HMGN5: variants seen among roughly 807,000 people sequenced by gnomAD.
HMGN5 encodes high mobility group nucleosome binding domain 5.
Under a neutral mutation model 9.5 loss-of-function variants are expected in HMGN5, and 4 were observed. That is an observed-to-expected ratio of 0.42 (90% CI 0.21 to 0.96). The LOEUF is 0.96. HMGN5 is among the 40% of genes least tolerant of loss of function. HMGN5 has a pLI of 0.30. For missense variants in HMGN5, 192 were observed against 187.5 expected (o/e 1.02, Z -0.14); for synonymous variants, 55 against 57.1 (o/e 0.96, Z 0.16).
At chrX:81,131,031 G>A (rs1481566693) in intron 1 of HMGN5, among the ~76,000 whole-genome samples, 1 of 111,464 alleles carries the variant, frequency 9.0e-6, no homozygotes, top group African/African-American at 3.3e-5. Context: ...AGCATTCTAA[G>A]TAAAGGAATT....
At chrX:81,154,318 T>C (rs1292267845) in intron 1 of HMGN5, among the ~76,000 whole-genome samples, 1 of 111,518 alleles carries the variant, frequency 9.0e-6, no homozygotes, top group East Asian at 2.8e-4. Flanking sequence ...GCATGCAGAA[T>C]AATGAAACTT....
At chrX:81,157,650 C>T (rs1248161036) in intron 1 of HMGN5, among the ~76,000 whole-genome samples, 1 of 111,353 alleles carries the variant, frequency 9.0e-6, no homozygotes, top group African/African-American at 3.3e-5. Context: ...GCATAGGGAC[C>T]TATGGACAGA....
Position 81,115,084 on chromosome X carries a change from G to C in HMGN5, c.414C>G (p.Asn138Lys). 1 of 1,136,758 alleles carries C rather than the reference G, an allele frequency of 8.8e-7. No individual in the cohort carries two copies. The highest frequency in any genetic ancestry group is 1.2e-6 in the Non-Finnish European group (1 of 859,806). The allele number at this position is 1,136,758 out of a possible 1,213,427, so 93.7% of individuals were successfully genotyped here. A position where few individuals can be genotyped will look rare whatever the true frequency, so the allele number is the denominator to read the frequency against. Residue 138 changes from asparagine (N) to lysine (K), a missense_variant, in exon 7 of 7, where the codon AAC (asparagine) becomes AAG (lysine). Coordinates refer to ENST00000358130, the MANE Select transcript of HMGN5 (RefSeq NM_030763.3). Reference protein sequence around the residue: ...EDQKEDEEDQNEEKGEAGKED... With the variant: ...EDQKEDEEDQKEEKGEAGKED... ...CTTTTCCAGCTTCCCCTTTCTCTTC[G>C]TTTTGATCTTCTTCATCTTCTTTCT... is the stretch of plus-strand genomic sequence containing the variant.
rs2075373540 is a variant in HMGN5, at chrX:81,153,585, ATAT to A, written c.-123-31916_-123-31914del. ...TCTCTCTCTCTCTCTCTCTCTCTCTATATATATATATATATATATATATATATA... is the reference window on the plus strand; with the variant it reads ...TCTCTCTCTCTCTCTCTCTCTCTCTAATATATATATATATATATATATATA... On this transcript the variant is annotated intron_variant, in intron 1 of 6. Coordinates refer to ENST00000358130, the MANE Select transcript of HMGN5 (RefSeq NM_030763.3). Among the ~76,000 whole-genome samples the A allele has an allele frequency of 2.1e-3, 7 of 3,320 alleles. 1 individual carries two copies. The highest frequency in any genetic ancestry group is 6.3e-3 in the African/African-American group (6 of 949). The allele number at this position is 3,320 out of a possible 115,157, so 2.9% of individuals were successfully genotyped here. A position where few individuals can be genotyped will look rare whatever the true frequency, so the allele number is the denominator to read the frequency against.
intron 1 of HMGN5, among the ~76,000 whole-genome samples, chrX:81,193,855 G>A (rs1259050456): frequency 1.8e-5 from 2 of 111,523 alleles, no homozygotes; most frequent in Non-Finnish European, 3.8e-5. Flanking sequence ...AATATAAAGG[G>A]CAATGAATAG....
intron 1 of HMGN5, among the ~76,000 whole-genome samples, chrX:81,173,146 A>G (rs2075431278): frequency 9.0e-6 from 1 of 110,989 alleles, no homozygotes; most frequent in Non-Finnish European, 1.9e-5. Flanking sequence ...CTGGTTAAAT[A>G]AGTTATGGTA....
chrX:81,157,027 A>G (rs931258618), intron 1 of HMGN5, among the ~76,000 whole-genome samples: 3 of 111,912 alleles, frequency 2.7e-5, no homozygotes, highest in African/African-American at 9.7e-5. Flanking sequence ...GTAGATTCTT[A>G]TAGATAGTGG....
chrX:81,122,010 C>A (rs778492635), intron 1 of HMGN5, among the ~76,000 whole-genome samples: 1 of 111,218 alleles, frequency 9.0e-6, no homozygotes, highest in Non-Finnish European at 1.9e-5. Context: ...TTGCTTTCTT[C>A]ACAGCCTCCA....
chrX:81,199,711 G>A (rs185238724), intron 1 of HMGN5, among the ~76,000 whole-genome samples: 260 of 111,648 alleles, frequency 2.3e-3, no homozygotes, highest in Middle Eastern at 0.014. Flanking sequence ...TCCTTACACC[G>A]TATACAAAAA....
At chrX:81,193,489 T>G (rs1452770504) in intron 1 of HMGN5, among the ~76,000 whole-genome samples, 2 of 112,407 alleles carry the variant, frequency 1.8e-5, no homozygotes. Flanking sequence ...GTCACCTCTG[T>G]GCCCTGGCTG....
At chrX:81,140,324 G>T (rs1431419743) in intron 1 of HMGN5, among the ~76,000 whole-genome samples, 1 of 110,815 alleles carries the variant, frequency 9.0e-6, no homozygotes, top group Non-Finnish European at 1.9e-5. Flanking sequence ...ATTTTGGGAG[G>T]CCGAGGCGGG....
chrX:81,134,081 T>C (rs2075304943), intron 1 of HMGN5, among the ~76,000 whole-genome samples: 1 of 111,432 alleles, frequency 9.0e-6, no homozygotes, highest in Non-Finnish European at 1.9e-5. Context: ...TATGAATACA[T>C]TTAGATCTAG....
chrX:81,129,384 A>T (rs2075292894), intron 1 of HMGN5, among the ~76,000 whole-genome samples: 1 of 111,540 alleles, frequency 9.0e-6, no homozygotes, highest in African/African-American at 3.3e-5. Context: ...ATTACGAGTG[A>T]AGCTGAACAT....
intron 1 of HMGN5, among the ~76,000 whole-genome samples, chrX:81,151,744 CTGTT>C (rs1457087867): frequency 3.6e-5 from 4 of 110,291 alleles, no homozygotes; most frequent in South Asian, 3.8e-4. Context: ...ATTTGGCTCT[CTGTT>C]TGTCTGTTAT....
chrX:81,113,831 T>C lies in HMGN5; in HGVS notation c.*818A>G, dbSNP rs1253691799. ...ATGGGAAGAGACTGCTAATTGGTGC[T>C]TTGTTTCTTATTTGGGTGATAAAAA... On this transcript the variant is annotated 3_prime_UTR_variant, in exon 7 of 7. Coordinates refer to ENST00000358130, the MANE Select transcript of HMGN5 (RefSeq NM_030763.3). 1 of 112,244 alleles carries C rather than the reference T, an allele frequency of 8.9e-6. No individual in the cohort carries two copies. Among genetic ancestry groups the C allele is most frequent in the East Asian group, 2.8e-4 (1 of 3,562 alleles). 9.3% of individuals were successfully genotyped at this position (112,244 alleles called of 1,213,427 possible).
In HMGN5 at chrX:81,125,892, A is replaced by T. The variant is rs1050328228; in HGVS notation, c.-123-4220T>A. On this transcript the variant is annotated intron_variant, in intron 1 of 6. Coordinates refer to ENST00000358130, the MANE Select transcript of HMGN5 (RefSeq NM_030763.3). ...GCTGGGTGTGGTGGCTCGCGTCTGT[A>T]ATCCCAGCTCTTTGGGACGCTGAGG... 3.6e-5 allele frequency among the ~76,000 whole-genome samples: 4 copies of T among 111,350 alleles called. No homozygotes were observed. The East Asian group carries it at 1.1e-3, about 31-fold the overall frequency.
chrX:81,144,910 A>T (rs2147557032), intron 1 of HMGN5, among the ~76,000 whole-genome samples: 1 of 111,888 alleles, frequency 8.9e-6, no homozygotes, highest in East Asian at 2.8e-4. Context: ...GAGATCAAAG[A>T]TCAACTCAAT....
chrX:81,199,989 G>C (rs1480210208), intron 1 of HMGN5, among the ~76,000 whole-genome samples: 1 of 111,773 alleles, frequency 8.9e-6, no homozygotes, highest in Non-Finnish European at 1.9e-5. Flanking sequence ...CTGACAAAGG[G>C]CTAATATCCA....
chrX:81,132,639 C>T (rs757969057), intron 1 of HMGN5, among the ~76,000 whole-genome samples: 2 of 111,283 alleles, frequency 1.8e-5, no homozygotes, highest in Non-Finnish European at 3.8e-5. Context: ...AACTTGCTAG[C>T]GATACTCAGA....
Sources: allele counts gnomAD v4.1 joint callset (sites outside exome capture counted in the v4.1 genomes callset), GRCh38; gene constraint gnomAD v4.1.1; transcripts MANE v1.5; gene names NCBI Gene and HGNC (gene_info 2026-07-23, HGNC 2026-07-21).